The following STIM1 variants were observed in gnomAD, a reference collection of about 807,000 sequenced individuals.
The protein encoded by STIM1 is stromal interaction molecule 1.
STIM1 carries 25 observed loss-of-function variants against 74.7 expected under a neutral mutation model. That is an observed-to-expected ratio of 0.33 (90% CI 0.24 to 0.47). STIM1 has a LOEUF of 0.47. Ranked by LOEUF, STIM1 falls within the 20% of genes least tolerant of loss-of-function variation. STIM1 has a pLI of 1.00. For synonymous variants in STIM1, 328 were observed against 348.8 expected, an observed-to-expected ratio of 0.94 and a Z score of 0.66; for missense variants, 728 against 920.8, an observed-to-expected ratio of 0.79 and a Z score of 2.71.
At chr11:4,009,123 C>T (rs1488209927) in intron 2 of STIM1, among the ~76,000 whole-genome samples, 1 of 149,762 alleles carries the variant, frequency 6.7e-6, no homozygotes, top group Non-Finnish European at 1.5e-5. Flanking sequence ...AACCGCGTCT[C>T]TACTAAAAAT....
Position 3,902,565 on chromosome 11 carries a change from A to G in STIM1, c.139+46156A>G, listed in dbSNP as rs187623486. Among the ~76,000 whole-genome samples, 5 of 152,300 alleles carry G rather than the reference A, an allele frequency of 3.3e-5. No homozygotes were observed. In the South Asian group the frequency reaches 8.3e-4, roughly 25 times the overall value. ...ACAATAGGCTTTGCACTCCTGTGAGAACCTAATGCTGCCACTGATATGACA... is the reference window on the plus strand; with the variant it reads ...ACAATAGGCTTTGCACTCCTGTGAGGACCTAATGCTGCCACTGATATGACA... On this transcript the variant is annotated intron_variant, in intron 1 of 12. Transcript: ENST00000526596.
At chr11:4,019,776 TATATC>T (rs1454261390) in intron 2 of STIM1, among the ~76,000 whole-genome samples, 2 of 152,202 alleles carry the variant, frequency 1.3e-5, no homozygotes, top group Non-Finnish European at 2.9e-5. Flanking sequence ...ATCTCAAACA[TATATC>T]ATTTCTTTGT....
chr11:3,905,197 G>A lies in STIM1; in HGVS notation c.139+48788G>A, dbSNP rs1275504753. Among the ~76,000 whole-genome samples the A allele has an allele frequency of 2.0e-5, 3 of 152,202 alleles. No individual in the cohort carries two copies. In the East Asian group the frequency reaches 5.8e-4, roughly 29 times the overall value. On this transcript the variant is annotated intron_variant, in intron 1 of 12. Coordinates refer to ENST00000526596, the MANE Select transcript of STIM1 (RefSeq NM_001382567.1). ...GGCTACTGAGTCATTGGTGACCATG[G>A]TGACAGCAGTTTCAGTGGAGGGGTG...
At chr11:4,057,869 C>CAAA (rs530122383) in intron 4 of STIM1, among the ~76,000 whole-genome samples, 81 of 58,642 alleles carry the variant, frequency 1.4e-3, no homozygotes, top group African/African-American at 5.0e-3. Flanking sequence ...GACTCCGTCT[C>CAAA]AAAAAAAAAA....
At chr11:3,948,800 G>A (rs750976309) in intron 1 of STIM1, among the ~76,000 whole-genome samples, 42 of 152,032 alleles carry the variant, frequency 2.8e-4, no homozygotes, top group Non-Finnish European at 2.9e-5. Context: ...AATTTAGATT[G>A]TACCTTCCTG....
intron 1 of STIM1, among the ~76,000 whole-genome samples, chr11:3,895,886 TTTTCTTTC>T (rs200576507): frequency 3.6e-5 from 5 of 140,762 alleles, no homozygotes; most frequent in East Asian, 2.0e-4. Context: ...CTTTTCTTTC[TTTTCTTTC>T]TTTCTTTCTT....
At position 3,948,564 on chromosome 11, in the gene STIM1, A is replaced by G. The variant is rs1329574524; in HGVS notation, c.140-18988A>G. On this transcript the variant is annotated intron_variant, in intron 1 of 12. Transcript: ENST00000526596. ...AGACAACTTTTCTAGCTCTACAATA[A>G]CAAATTATGATGACAAATCAAAGGA... 2.0e-5 allele frequency among the ~76,000 whole-genome samples: 3 copies of G among 152,276 alleles called. No homozygotes were observed. The East Asian group carries it at 5.8e-4, about 29-fold the overall frequency.
chr11:3,973,931 A>G, intron 2 of STIM1: 1 of 518,796 alleles, frequency 1.9e-6, no homozygotes, highest in Admixed American at 3.1e-5. Flanking sequence ...AAAGCCCCCA[A>G]CAAATATCCT....
chr11:3,900,669 T>G (rs1344678985), intron 1 of STIM1, among the ~76,000 whole-genome samples: 2 of 152,208 alleles, frequency 1.3e-5, no homozygotes, highest in East Asian at 3.9e-4. Context: ...CACTGCAGCC[T>G]TCTGGGCACA....
intron 1 of STIM1, among the ~76,000 whole-genome samples, chr11:3,905,500 A>G (rs1439914143): frequency 6.6e-6 from 1 of 151,812 alleles, no homozygotes; most frequent in Non-Finnish European, 1.5e-5. Context: ...CTATTGTGGG[A>G]GTCTTAAACT....
chr11:4,090,070 T>A (rs2094514937), intron 12 of STIM1, among the ~76,000 whole-genome samples: 2 of 152,186 alleles, frequency 1.3e-5, no homozygotes. Context: ...GCATGTCCAG[T>A]GTGCGGTGGC....
rs182575843 is a variant in STIM1, at chr11:4,074,759, T to C, written c.969+80T>C. The stretch of plus-strand genomic sequence containing the variant: ...CCCAGGGTCTGGCTAGAAAGTTACA[T>C]GTGTGAGGAATTTGAAATATGATCC... On this transcript the variant is annotated intron_variant, in intron 7 of 12. Coordinates refer to ENST00000526596, the MANE Select transcript of STIM1 (RefSeq NM_001382567.1). 879 of 1,436,138 alleles carry C rather than the reference T, an allele frequency of 6.1e-4. 2 individuals are homozygous for C. In the African/African-American group the frequency reaches 0.01, roughly 17 times the overall value. The allele number at this position is 1,436,138 out of a possible 1,614,324, so 89.0% of individuals were successfully genotyped here.
At chr11:4,059,875 A>G (rs2094318685) in intron 5 of STIM1, among the ~76,000 whole-genome samples, 1 of 152,234 alleles carries the variant, frequency 6.6e-6, no homozygotes, top group Admixed American at 6.5e-5. Flanking sequence ...TATGAAAAGT[A>G]TGCTCAGGGA....
At chr11:3,918,893 T>G (rs1157292198) in intron 1 of STIM1, among the ~76,000 whole-genome samples, 1 of 152,156 alleles carries the variant, frequency 6.6e-6, no homozygotes, top group Non-Finnish European at 1.5e-5. Context: ...GCCATTTTTG[T>G]TAAAAAAAGT....
chr11:4,000,469 C>T (rs1302133375), intron 2 of STIM1, among the ~76,000 whole-genome samples: 1 of 152,000 alleles, frequency 6.6e-6, no homozygotes, highest in African/African-American at 2.4e-5. Flanking sequence ...GATACCCAGG[C>T]AAACAGGGTC....
At chr11:4,067,813 T>C (rs899222061) in intron 5 of STIM1, among the ~76,000 whole-genome samples, 3 of 152,266 alleles carry the variant, frequency 2.0e-5, no homozygotes, top group Non-Finnish European at 4.4e-5. Context: ...ATTATCATAC[T>C]TGAAGCTTAT....
chr11:4,029,946 A>C (rs531755369), intron 3 of STIM1, among the ~76,000 whole-genome samples: 1 of 152,186 alleles, frequency 6.6e-6, no homozygotes, highest in South Asian at 2.1e-4. Context: ...TTTGTTATAC[A>C]TGCTTTTGCT....
chr11:4,030,910 T>C (rs568674336), intron 3 of STIM1, among the ~76,000 whole-genome samples: 1 of 152,316 alleles, frequency 6.6e-6, no homozygotes, highest in East Asian at 1.9e-4. Context: ...ATTTATTGAG[T>C]TGCAATTGAC....
At chr11:3,982,752 T>G (rs2093518629) in intron 2 of STIM1, among the ~76,000 whole-genome samples, 1 of 152,152 alleles carries the variant, frequency 6.6e-6, no homozygotes, top group Non-Finnish European at 1.5e-5. Flanking sequence ...AACTATGGGG[T>G]TTTATACTAC....
Sources: gnomAD v4.1 joint callset for allele counts (sites outside exome capture counted in the v4.1 genomes callset) on GRCh38, gnomAD v4.1.1 for gene constraint, MANE v1.5 for transcripts, NCBI Gene and HGNC (gene_info 2026-07-23, HGNC 2026-07-21) for gene names.